Variants in GBP2 observed in about 807,000 individuals in gnomAD.
GBP2 encodes the protein guanylate-binding protein 2.
Under a neutral mutation model 60.8 loss-of-function variants are expected in GBP2, and 54 were observed. The observed-to-expected ratio is 0.89, with a 90% CI of 0.71 to 1.11. The LOEUF (loss-of-function observed/expected upper bound fraction) is 1.11. GBP2 is among the 50% of genes most tolerant of loss of function. The probability of loss-of-function intolerance (pLI) is 0.00; values close to 1 mark genes in which losing one functional copy is unlikely to be tolerated. For synonymous variants in GBP2, 243 were observed against 256.5 expected, an observed-to-expected ratio of 0.95 and a Z score of 0.50; for missense variants, 665 against 703.3, an observed-to-expected ratio of 0.95 and a Z score of 0.62.
intron 10 of GBP2, among the ~76,000 whole-genome samples, chr1:89,108,906 T>C (rs1292413277): frequency 6.6e-6 from 1 of 151,798 alleles, no homozygotes; most frequent in Non-Finnish European, 1.5e-5. Flanking sequence ...TTTCTTTTTT[T>C]TTTTTTGAGA....
chr1:89,121,093 T>C (rs1212785265), intron 3 of GBP2, 50 bp downstream of exon 3: 2 of 1,504,364 alleles, frequency 1.3e-6, no homozygotes, highest in African/African-American at 1.4e-5. Context: ...CTGGTTTATG[T>C]AGATTTTAAT....
chr1:89,121,681 A>C, intron 2 of GBP2, 96 bp downstream of exon 2: 1 of 1,240,914 alleles, frequency 8.1e-7, no homozygotes, highest in Non-Finnish European at 1.1e-6. Flanking sequence ...AGCTTTCAAC[A>C]TTCATTCTCA....
In GBP2 at chr1:89,107,377, T is replaced by C. The variant is rs1681077036; in HGVS notation, c.*798A>G. On this transcript the variant is annotated 3_prime_UTR_variant, in exon 11 of 11. Transcript: ENST00000370466. Reference sequence around the variant, plus strand: ...TGAGTTAAAGCTTTCCTTTCTGTGATTGTAGAAGTTATTTTCTAAACTTCA... The same window carrying C: ...TGAGTTAAAGCTTTCCTTTCTGTGACTGTAGAAGTTATTTTCTAAACTTCA... 6.6e-6 allele frequency among the ~76,000 whole-genome samples: 1 copy of C among 152,148 alleles called. No homozygotes were observed. Among genetic ancestry groups the C allele is most frequent in the African/African-American group, 2.4e-5 (1 of 41,430 alleles).
At chr1:89,121,075 G>C in intron 3 of GBP2, 68 bp downstream of exon 3, 1 of 1,276,596 alleles carries the variant, frequency 7.8e-7, no homozygotes, top group Admixed American at 1.8e-5. Flanking sequence ...GATGGTTATC[G>C]ATCTGACCTG....
In GBP2 at chr1:89,108,170, G is replaced by C; in HGVS notation, c.*5C>G. ...CTGGACAGGCAAATTTTGCTCCTTG[G>C]ACTTTTAGAGTATGTTACATATTGG... On this transcript the variant is annotated 3_prime_UTR_variant, in exon 11 of 11. Coordinates refer to ENST00000370466, the MANE Select transcript of GBP2 (RefSeq NM_004120.5). 1 of 1,575,926 alleles carries C rather than the reference G, an allele frequency of 6.3e-7. No individual in the cohort carries two copies. The highest frequency in any genetic ancestry group is 1.1e-5 in the South Asian group (1 of 89,768).
chr1:89,123,863 T>C (rs1338959343), intron 1 of GBP2, among the ~76,000 whole-genome samples: 1 of 152,220 alleles, frequency 6.6e-6, no homozygotes, highest in Admixed American at 6.5e-5. Context: ...TCCCATTCCA[T>C]CTGTCTTTCT....
At chr1:89,121,332 A>G in intron 2 of GBP2, 62 bp from the exon 3 acceptor site, 1 of 1,403,904 alleles carries the variant, frequency 7.1e-7, no homozygotes, top group Admixed American at 2.3e-5. Context: ...GGAAATTGAG[A>G]TAAAAGTTAA....
intron 2 of GBP2, 115 bp from the exon 3 acceptor site, chr1:89,121,385 T>C (rs938483303): frequency 6.8e-6 from 6 of 880,638 alleles, no homozygotes; most frequent in South Asian, 2.3e-5. Context: ...ACAACTGGCA[T>C]AAATCTTAAT....
intron 4 of GBP2, chr1:89,119,257 T>C (rs529102380): frequency 2.0e-5 from 3 of 152,312 alleles, no homozygotes; most frequent in East Asian, 3.9e-4. Context: ...GGATCAAATT[T>C]ATGTAATGCT....
intron 8 of GBP2, among the ~76,000 whole-genome samples, chr1:89,112,264 C>T (rs868096619): frequency 6.6e-6 from 1 of 152,068 alleles, no homozygotes; most frequent in African/African-American, 2.4e-5. Flanking sequence ...TGAGTCAATT[C>T]GATAAACCTC....
At chr1:89,113,941 G>T in intron 7 of GBP2, 75 bp downstream of exon 7, 1 of 1,504,180 alleles carries the variant, frequency 6.6e-7, no homozygotes, top group Middle Eastern at 1.7e-4. Flanking sequence ...AACTATTTTG[G>T]GGTCTAGAAA....
chr1:89,110,387 C>T lies in GBP2; in HGVS notation c.1363-121G>A, dbSNP rs372917730. 1.6e-4 allele frequency: 122 copies of T among 748,640 alleles called. 1 individual carries two copies. Among genetic ancestry groups the T allele is most frequent in the South Asian group, 1.3e-3 (82 of 64,140 alleles). The allele number at this position is 748,640 out of a possible 1,614,324, so 46.4% of individuals were successfully genotyped here. A position where few individuals can be genotyped will look rare whatever the true frequency, so the allele number is the denominator to read the frequency against. On this transcript the variant is annotated intron_variant, in intron 8 of 10. Coordinates refer to ENST00000370466, the MANE Select transcript of GBP2 (RefSeq NM_004120.5). ...ATTACACAAAAAAGATACTTGCATA[C>T]GCATGTTTATAGCAGCACAATTCGC...
In GBP2 at chr1:89,107,164, GT is replaced by G. The variant is rs1287120372; in HGVS notation, c.*1010del. The G allele has an allele frequency of 1.3e-5, 2 of 150,894 alleles. No homozygotes were observed. Among genetic ancestry groups the G allele is most frequent in the Non-Finnish European group, 3.0e-5 (2 of 67,772 alleles). The allele number at this position is 150,894 out of a possible 1,614,324, so 9.3% of individuals were successfully genotyped here. ...CCTGAAACAATTGTAGTAGGATAAT[GT>G]TTTGTATTAATGAATTATTCTTGAT... On this transcript the variant is annotated 3_prime_UTR_variant, in exon 11 of 11. Transcript: ENST00000370466.
At chr1:89,121,742 C>T (rs971090539) in intron 2 of GBP2, 35 bp downstream of exon 2, 2 of 1,603,476 alleles carry the variant, frequency 1.2e-6, no homozygotes, top group Non-Finnish European at 1.7e-6. Context: ...TGTGTACGGA[C>T]AGAAGGGGCT....
At chr1:89,109,222 A>G (rs1163988781) in intron 10 of GBP2, among the ~76,000 whole-genome samples, 1 of 152,176 alleles carries the variant, frequency 6.6e-6, no homozygotes, top group Admixed American at 6.5e-5. Flanking sequence ...TACTCATAAC[A>G]GTGCTTCCAG....
At chr1:89,110,727 A>T (rs6428502) in intron 8 of GBP2, among the ~76,000 whole-genome samples, 1 of 151,996 alleles carries the variant, frequency 6.6e-6, no homozygotes, top group East Asian at 1.9e-4. Context: ...GGGAAAGGAG[A>T]GGGGGCAAGG....
At chr1:89,119,910 C>CA (rs769733650) in intron 4 of GBP2, 5 of 376,300 alleles carry the variant, frequency 1.3e-5, no homozygotes, top group Non-Finnish European at 2.5e-5. Context: ...TTCTAGAGGA[C>CA]ATTGAAGGTT....
In GBP2 at chr1:89,108,301, A is replaced by G. The variant is rs899321725; in HGVS notation, c.1660-10T>C. 3 of 1,544,962 alleles carry G rather than the reference A, an allele frequency of 1.9e-6. No individual in the cohort carries two copies. The highest frequency in any genetic ancestry group is 2.7e-6 in the Non-Finnish European group (3 of 1,117,528). On this transcript the variant is annotated splice_polypyrimidine_tract_variant and intron_variant, in intron 10 of 10. Transcript: ENST00000370466. ...GAAGGCGTTCCTGTTCCTAAAAGGGAAAGTGGAGACTAAGCCTATCCAGCT... is the reference window on the plus strand; with the variant it reads ...GAAGGCGTTCCTGTTCCTAAAAGGGGAAGTGGAGACTAAGCCTATCCAGCT...
At chr1:89,110,086 AATT>A in intron 9 of GBP2, 75 bp downstream of exon 9, 1 of 1,086,456 alleles carries the variant, frequency 9.2e-7, no homozygotes, top group Non-Finnish European at 1.4e-6. Flanking sequence ...CTACAATAAT[AATT>A]CCAGGTGGAC....
Sources: allele counts gnomAD v4.1 joint callset (sites outside exome capture counted in the v4.1 genomes callset), GRCh38; gene constraint gnomAD v4.1.1; transcripts MANE v1.5; gene names NCBI Gene and HGNC (gene_info 2026-07-23, HGNC 2026-07-21).